Variants in TMEM59 observed in about 807,000 individuals in gnomAD.
TMEM59 encodes dendritic cell factor 1.
Under a neutral mutation model 42.2 loss-of-function variants are expected in TMEM59, and 44 were observed. That is an observed-to-expected ratio of 1.04 (90% CI 0.82 to 1.34). TMEM59 has a LOEUF of 1.34. Ranked by LOEUF, TMEM59 falls within the 40% of genes most tolerant of loss-of-function variation. The pLI is 0.00. For synonymous variants in TMEM59, 148 were observed against 145.8 expected (o/e 1.02, Z -0.11); for missense variants, 359 against 382.8 (o/e 0.94, Z 0.52).
intron 4 of TMEM59, 115 bp downstream of exon 4, chr1:54,043,258 T>C: frequency 1.1e-6 from 1 of 951,140 alleles, no homozygotes; most frequent in Non-Finnish European, 1.4e-6. Context: ...TAATTATTAT[T>C]TGATGATAAA....
chr1:54,036,616 GGGAACATA>G lies in TMEM59; in HGVS notation c.802_809del (p.Tyr268LeufsTer2). ...TGGTAAGAATTAAATTTACCTCAGA[GGGAACATA>G]CTGCTCCACAGCTGTAGCAACAGTT... On this transcript the variant is annotated frameshift_variant, in exon 7 of 8. Transcript: ENST00000234831. LOFTEE classifies it high-confidence loss of function. The G allele has an allele frequency of 1.3e-6, 2 of 1,599,636 alleles. No individual in the cohort carries two copies. The highest frequency in any genetic ancestry group is 8.5e-7 in the Non-Finnish European group (1 of 1,173,200).
intron 1 of TMEM59, among the ~76,000 whole-genome samples, chr1:54,050,974 G>A (rs549995111): frequency 6.6e-6 from 1 of 151,892 alleles, no homozygotes; most frequent in African/African-American, 2.4e-5. Context: ...GCCTCCCACC[G>A]AGTAGCTGGG....
chr1:54,050,078 C>A (rs946560085), intron 1 of TMEM59, among the ~76,000 whole-genome samples: 1 of 151,584 alleles, frequency 6.6e-6, no homozygotes, highest in Non-Finnish European at 1.5e-5. Context: ...AGGTATTCTA[C>A]TTTCTTGCAA....
intron 4 of TMEM59, 35 bp downstream of exon 4, chr1:54,043,338 A>C: frequency 2.7e-6 from 4 of 1,470,946 alleles, no homozygotes; most frequent in Non-Finnish European, 3.6e-6. Context: ...TACTGTTGTT[A>C]GTATTTAGAT....
intron 1 of TMEM59, among the ~76,000 whole-genome samples, chr1:54,048,318 CCTGT>C (rs774517816): frequency 1.3e-5 from 2 of 152,164 alleles, no homozygotes; most frequent in African/African-American, 4.8e-5. Flanking sequence ...AGTTATTTTA[CCTGT>C]CTAAGAATCT....
At chr1:54,037,373 A>AT in intron 6 of TMEM59, among the ~76,000 whole-genome samples, 1 of 152,266 alleles carries the variant, frequency 6.6e-6, no homozygotes, top group South Asian at 2.1e-4. Context: ...GCAATTAGAG[A>AT]TTTTTTATTT....
At chr1:54,049,001 A>G (rs1015660408) in intron 1 of TMEM59, among the ~76,000 whole-genome samples, 3 of 152,218 alleles carry the variant, frequency 2.0e-5, no homozygotes, top group African/African-American at 7.2e-5. Context: ...GGAGCACCAC[A>G]TATTTCCTTA....
rs1657606829 is a variant in TMEM59, at chr1:54,052,900, G to A, written c.189+100C>T. ...CACAGATGGGAGACAGCGATTGAAGGGCCGATTTAACAGCCAGGTTGCCAG... is the reference window on the plus strand; with the variant it reads ...CACAGATGGGAGACAGCGATTGAAGAGCCGATTTAACAGCCAGGTTGCCAG... On this transcript the variant is annotated intron_variant, in intron 1 of 7. Coordinates refer to ENST00000234831, the MANE Select transcript of TMEM59 (RefSeq NM_004872.5). 3.7e-6 allele frequency: 5 copies of A among 1,337,126 alleles called. No individual in the cohort carries two copies. The South Asian group carries it at 5.6e-5, about 15-fold the overall frequency. The allele number at this position is 1,337,126 out of a possible 1,614,324, so 82.8% of individuals were successfully genotyped here. A position where few individuals can be genotyped will look rare whatever the true frequency, so the allele number is the denominator to read the frequency against.
chr1:54,041,415 GT>G (rs1257554693), intron 5 of TMEM59, among the ~76,000 whole-genome samples: 1 of 152,216 alleles, frequency 6.6e-6, no homozygotes, highest in Non-Finnish European at 1.5e-5. Flanking sequence ...CAAACTAAAT[GT>G]TTTTAGAATA....
In TMEM59 at chr1:54,029,983, C is replaced by CAT. The variant is rs1249816083; in HGVS notation, c.*2165_*2166dup. ...TATCAAGAATGTCTTGGTATTTTCA[C>CAT]ATATAAGGAATTCTCTCAACAAGAG... On this transcript the variant is annotated 3_prime_UTR_variant, in exon 8 of 8. Coordinates refer to ENST00000234831, the MANE Select transcript of TMEM59 (RefSeq NM_004872.5). 1 of 152,022 alleles carries CAT rather than the reference C, an allele frequency of 6.6e-6. No individual in the cohort carries two copies. The highest frequency in any genetic ancestry group is 1.9e-4 in the East Asian group (1 of 5,188). The allele number at this position is 152,022 out of a possible 1,614,324, so 9.4% of individuals were successfully genotyped here.
chr1:54,043,293 T>C, intron 4 of TMEM59, 80 bp downstream of exon 4: 1 of 1,205,142 alleles, frequency 8.3e-7, no homozygotes, highest in Non-Finnish European at 1.1e-6. Context: ...TGAGTATGGT[T>C]CTATGCTGAA....
chr1:54,043,880 C>G (rs1657230835), intron 3 of TMEM59: 1 of 152,380 alleles, frequency 6.6e-6, no homozygotes, highest in Non-Finnish European at 1.5e-5. Context: ...TCGTATCATT[C>G]TCATCTTTAA....
intron 6 of TMEM59, among the ~76,000 whole-genome samples, chr1:54,039,985 T>C (rs1437237401): frequency 6.6e-6 from 1 of 152,114 alleles, no homozygotes; most frequent in Non-Finnish European, 1.5e-5. Context: ...TTGCCCACTT[T>C]ACCATTACCC....
In TMEM59 at chr1:54,031,945, T is replaced by C. The variant is rs1187719532; in HGVS notation, c.*205A>G. The stretch of plus-strand genomic sequence containing the variant: ...GCTACAGATATTAGTAAAATAATAA[T>C]ACAATCCCAAACATCCACCTCTTAA... On this transcript the variant is annotated 3_prime_UTR_variant, in exon 8 of 8. Transcript: ENST00000234831. 4.6e-6 allele frequency: 2 copies of C among 437,172 alleles called. No homozygotes were observed. The highest frequency in any genetic ancestry group is 7.4e-5 in the South Asian group (1 of 13,556). The allele number at this position is 437,172 out of a possible 1,614,324, so 27.1% of individuals were successfully genotyped here.
chr1:54,047,124 ACT>A (rs1657365921), intron 2 of TMEM59, 141 bp downstream of exon 2: 1 of 613,906 alleles, frequency 1.6e-6, no homozygotes, highest in South Asian at 2.9e-5. Context: ...AGCTACGAAA[ACT>A]CTTAGATCCA....
At chr1:54,050,276 C>T in intron 1 of TMEM59, among the ~76,000 whole-genome samples, 1 of 151,896 alleles carries the variant, frequency 6.6e-6, no homozygotes, top group Non-Finnish European at 1.5e-5. Flanking sequence ...CAAGCGTGCG[C>T]CATGTTCGGC....
At chr1:54,046,299 G>T (rs1657335514) in intron 2 of TMEM59, among the ~76,000 whole-genome samples, 1 of 152,060 alleles carries the variant, frequency 6.6e-6, no homozygotes, top group Non-Finnish European at 1.5e-5. Context: ...AAGAAGTAAG[G>T]GTATGCACAT....
At chr1:54,044,474 T>C (rs577566910) in intron 3 of TMEM59, 6 of 151,202 alleles carry the variant, frequency 4.0e-5, no homozygotes, top group Middle Eastern at 3.4e-3. Context: ...ACTCTAGGGA[T>C]AGCTTTGGTT....
chr1:54,051,513 T>C (rs916038519), intron 1 of TMEM59, among the ~76,000 whole-genome samples: 4 of 152,216 alleles, frequency 2.6e-5, no homozygotes, highest in African/African-American at 9.6e-5. Flanking sequence ...ATTATTAAAG[T>C]ACCTACAACT....
Sources: gnomAD v4.1 joint callset for allele counts (sites outside exome capture counted in the v4.1 genomes callset) on GRCh38, gnomAD v4.1.1 for gene constraint, MANE v1.5 for transcripts, NCBI Gene and HGNC (gene_info 2026-07-23, HGNC 2026-07-21) for gene names.